The following PCDH15 variants were observed in gnomAD, a reference collection of about 807,000 sequenced individuals.
PCDH15 encodes the protein protocadherin-15.
Under a neutral mutation model 178.5 loss-of-function variants are expected in PCDH15, and 129 were observed. The ratio of observed to expected loss-of-function variants is 0.72; its 90% CI spans 0.63 to 0.84. The LOEUF is 0.84. PCDH15 is among the 40% of genes least tolerant of loss of function. The pLI, the probability that PCDH15 is intolerant of heterozygous loss-of-function variation, is 0.00. For synonymous variants in PCDH15, 800 were observed against 732.0 expected (o/e 1.09, Z -1.50); for missense variants, 2,230 against 2,099.9 (o/e 1.06, Z -1.21).
At chr10:54,414,253 A>G (rs768692774) in intron 3 of PCDH15, among the ~76,000 whole-genome samples, 1 of 152,146 alleles carries the variant, frequency 6.6e-6, no homozygotes, top group Admixed American at 6.6e-5. Flanking sequence ...ATCTTGAATG[A>G]GAAGATTGAA....
At chr10:55,582,629 T>TATATATATATATATATA (rs1491243304) in intron 2 of PCDH15, among the ~76,000 whole-genome samples, 10 of 64,776 alleles carry the variant, frequency 1.5e-4, no homozygotes, top group African/African-American at 5.6e-4. Context: ...TATATATATA[T>TATATATATATATATATA]TTTTTTTTTT....
In PCDH15 at chr10:55,301,086, A is replaced by G. The variant is rs1843264854; in HGVS notation, c.-156+18513T>C. On this transcript the variant is annotated intron_variant, in intron 1 of 5. Transcript: ENST00000458638. Reference sequence around the variant, plus strand: ...CAAACATTTGTGAACAGGCTTTTGCATTAACATAAATTTTTATTTCTCTAG... The same window carrying G: ...CAAACATTTGTGAACAGGCTTTTGCGTTAACATAAATTTTTATTTCTCTAG... Among the ~76,000 whole-genome samples, 3 of 152,192 alleles carry G rather than the reference A, an allele frequency of 2.0e-5. No individual in the cohort carries two copies. In the South Asian group the frequency reaches 6.2e-4, roughly 32 times the overall value.
At chr10:53,882,001 T>C (rs1180299638) in intron 26 of PCDH15, among the ~76,000 whole-genome samples, 1 of 152,070 alleles carries the variant, frequency 6.6e-6, no homozygotes, top group Non-Finnish European at 1.5e-5. Flanking sequence ...TTTTTTTTTT[T>C]TTTTTTAACA....
intron 3 of PCDH15, among the ~76,000 whole-genome samples, chr10:54,857,167 T>C (rs891165005): frequency 2.6e-5 from 4 of 152,198 alleles, no homozygotes; most frequent in Admixed American, 2.0e-4. Context: ...ATATCACTTA[T>C]GTTAGAATCT....
chr10:54,080,989 C>A (rs974428659), intron 16 of PCDH15, among the ~76,000 whole-genome samples: 18 of 152,088 alleles, frequency 1.2e-4, no homozygotes, highest in African/African-American at 4.3e-4. Flanking sequence ...AATTGAGTTA[C>A]CATTTTCATT....
intron 2 of PCDH15, among the ~76,000 whole-genome samples, chr10:55,455,346 T>C (rs1420512303): frequency 6.6e-6 from 1 of 152,196 alleles, no homozygotes; most frequent in African/African-American, 2.4e-5. Context: ...TAAAATATTC[T>C]TCTGTGTGTT....
chr10:55,463,734 C>CA (rs1262044698), intron 2 of PCDH15, among the ~76,000 whole-genome samples: 1 of 151,824 alleles, frequency 6.6e-6, no homozygotes, highest in African/African-American at 2.4e-5. Flanking sequence ...GCGTCAAACT[C>CA]AATCACATCA....
Position 55,158,822 on chromosome 10 carries a change from A to T in PCDH15, c.-80+7754T>A, listed in dbSNP as rs184671853. Among the ~76,000 whole-genome samples, 17 of 151,706 alleles carry T rather than the reference A, an allele frequency of 1.1e-4. No individual in the cohort carries two copies. The East Asian group carries it at 3.3e-3, about 29-fold the overall frequency. On this transcript the variant is annotated intron_variant, in intron 2 of 5. Coordinates refer to the PCDH15 transcript ENST00000458638. Reference sequence around the variant, plus strand: ...TGTAATCTCAAGGGATTGAGCAGGGAGCTTTATGTGGAAATGTGTGTGGGG... The same window carrying T: ...TGTAATCTCAAGGGATTGAGCAGGGTGCTTTATGTGGAAATGTGTGTGGGG...
chr10:54,817,207 CT>C, intron 3 of PCDH15, among the ~76,000 whole-genome samples: 1 of 151,960 alleles, frequency 6.6e-6, no homozygotes, highest in South Asian at 2.1e-4. Flanking sequence ...GTCATACTTT[CT>C]TTGTGAAAAT....
At chr10:54,915,650 T>TTC (rs1229830692) in intron 2 of PCDH15, among the ~76,000 whole-genome samples, 3 of 152,196 alleles carry the variant, frequency 2.0e-5, no homozygotes, top group African/African-American at 7.2e-5. Flanking sequence ...ATGTGTAATT[T>TTC]GAATAAGTTT....
chr10:53,969,975 G>T (rs1460494685), intron 21 of PCDH15, among the ~76,000 whole-genome samples: 1 of 152,082 alleles, frequency 6.6e-6, no homozygotes, highest in African/African-American at 2.4e-5. Context: ...AACCAGCTAA[G>T]ATCATAATGA....
In PCDH15 at chr10:55,091,844, A is replaced by AAAAC. The variant is rs532956141; in HGVS notation, c.-80+74728_-80+74731dup. On this transcript the variant is annotated intron_variant, in intron 2 of 5. Transcript: ENST00000458638. Reference sequence around the variant, plus strand: ...TAATTTTGATACAAATCCTTACCAAAAAACAAACAAACAAAAAACATTTAT... The same window carrying AAAAC: ...TAATTTTGATACAAATCCTTACCAAAAAACAAACAAACAAACAAAAAACATTTAT... Among the ~76,000 whole-genome samples the AAAAC allele has an allele frequency of 4.3e-3, 660 of 152,064 alleles. 2 individuals are homozygous for AAAAC. Among genetic ancestry groups the AAAAC allele is most frequent in the Non-Finnish European group, 6.6e-3 (445 of 67,856 alleles).
intron 2 of PCDH15, among the ~76,000 whole-genome samples, chr10:54,545,817 A>C (rs529163868): frequency 1.3e-5 from 2 of 152,162 alleles, no homozygotes; most frequent in Admixed American, 6.5e-5. Context: ...CCACTCTAAC[A>C]CCTCTTCTTG....
At chr10:54,189,410 A>C in intron 11 of PCDH15, 1 of 1,473,886 alleles carries the variant, frequency 6.8e-7, no homozygotes, top group East Asian at 2.5e-5. Flanking sequence ...ACATGAAATA[A>C]ATATTGTAAA....
intron 20 of PCDH15, among the ~76,000 whole-genome samples, chr10:54,015,865 A>C (rs888860934): frequency 5.4e-5 from 6 of 110,616 alleles, no homozygotes; most frequent in African/African-American, 2.2e-4. Context: ...AGAGATGCCA[A>C]AAGCAATTTT....
At chr10:54,119,879 C>T (rs543915431) in intron 15 of PCDH15, among the ~76,000 whole-genome samples, 3 of 152,158 alleles carry the variant, frequency 2.0e-5, no homozygotes, top group South Asian at 4.2e-4. Flanking sequence ...CTCATCCACC[C>T]GCGATCTACA....
At chr10:54,856,163 T>G (rs182906300) in intron 3 of PCDH15, among the ~76,000 whole-genome samples, 1 of 152,194 alleles carries the variant, frequency 6.6e-6, no homozygotes, top group Non-Finnish European at 1.5e-5. Context: ...ATTTGACAGA[T>G]GCTAATGTAA....
intron 2 of PCDH15, among the ~76,000 whole-genome samples, chr10:55,364,081 C>A (rs1293123503): frequency 6.6e-6 from 1 of 151,964 alleles, no homozygotes; most frequent in Non-Finnish European, 1.5e-5. Context: ...TGAGTTCTCA[C>A]GAAATCTATT....
chr10:53,886,032 T>C (rs929532397), intron 26 of PCDH15, among the ~76,000 whole-genome samples: 5 of 152,158 alleles, frequency 3.3e-5, no homozygotes, highest in Non-Finnish European at 5.9e-5. Context: ...TTTAATAACA[T>C]GTATGCACTG....
Sources: gnomAD v4.1 joint callset for allele counts (sites outside exome capture counted in the v4.1 genomes callset) on GRCh38, gnomAD v4.1.1 for gene constraint, MANE v1.5 for transcripts, NCBI Gene and HGNC (gene_info 2026-07-23, HGNC 2026-07-21) for gene names.